Variants in WDR64 observed in about 807,000 individuals in gnomAD.
WDR64 encodes WD repeat domain 64.
In WDR64, 112 loss-of-function variants were observed where a neutral mutation model predicts 139.3. The ratio of observed to expected loss-of-function variants is 0.80; its 90% CI spans 0.69 to 0.94. WDR64 has a LOEUF of 0.94. WDR64 is among the 40% of genes least tolerant of loss of function. The probability of loss-of-function intolerance (pLI) is 0.00; values close to 1 mark genes in which losing one functional copy is unlikely to be tolerated. For missense variants in WDR64, 1,206 were observed against 1,293.1 expected, an observed-to-expected ratio of 0.93 and a Z score of 1.03; for synonymous variants, 444 against 437.7, an observed-to-expected ratio of 1.01 and a Z score of -0.18.
chr1:241,770,833 C>T lies in WDR64; in HGVS notation c.2253+143C>T, dbSNP rs548850605. ...GTGTGTGCATGCTTATATGTAAAAA[C>T]GCATTGTTTTGCAAAAAATGCAATG... is the stretch of plus-strand genomic sequence containing the variant. On this transcript the variant is annotated intron_variant, in intron 18 of 27. Coordinates refer to ENST00000437684, the MANE Select transcript of WDR64 (RefSeq NM_001367482.1). 8.7e-5 allele frequency: 51 copies of T among 585,382 alleles called. 2 individuals carry two copies. In the South Asian group the frequency reaches 2.6e-3, roughly 30 times the overall value. The allele number at this position is 585,382 out of a possible 1,614,324, so 36.3% of individuals were successfully genotyped here. A position where few individuals can be genotyped will look rare whatever the true frequency, so the allele number is the denominator to read the frequency against.
chr1:241,655,070 A>G (rs112170660), intron 1 of WDR64, among the ~76,000 whole-genome samples: 2 of 152,136 alleles, frequency 1.3e-5, no homozygotes, highest in Non-Finnish European at 2.9e-5. Flanking sequence ...CTCTTGGCTT[A>G]TTACAACAGC....
chr1:241,708,060 G>C (rs139039263), intron 8 of WDR64, among the ~76,000 whole-genome samples: 1 of 152,136 alleles, frequency 6.6e-6, no homozygotes, highest in Non-Finnish European at 1.5e-5. Flanking sequence ...CATAAGAAGA[G>C]CCAAAGAGTG....
intron 9 of WDR64, among the ~76,000 whole-genome samples, chr1:241,722,278 G>A (rs896047962): frequency 2.0e-5 from 3 of 152,142 alleles, no homozygotes; most frequent in Non-Finnish European, 2.9e-5. Flanking sequence ...ATATTCATGT[G>A]CTGGCCAGAA....
chr1:241,774,008 A>G (rs910415937), intron 20 of WDR64, among the ~76,000 whole-genome samples: 1 of 152,230 alleles, frequency 6.6e-6, no homozygotes, highest in African/African-American at 2.4e-5. Flanking sequence ...AATATTTCAC[A>G]AAGAAAAACA....
At chr1:241,725,582 G>T (rs1668791212) in intron 10 of WDR64, among the ~76,000 whole-genome samples, 1 of 152,066 alleles carries the variant, frequency 6.6e-6, no homozygotes, top group Non-Finnish European at 1.5e-5. Context: ...AACCACAAGG[G>T]AAAGACTCTA....
intron 8 of WDR64, among the ~76,000 whole-genome samples, chr1:241,696,113 CAAAAAAAAAA>C (rs541301982): frequency 4.9e-4 from 11 of 22,322 alleles, no homozygotes; most frequent in South Asian, 3.8e-3. Flanking sequence ...GACCCAGTAT[CAAAAAAAAAA>C]AAAAAAAAAA....
At chr1:241,777,113 G>A (rs192667800) in intron 21 of WDR64, among the ~76,000 whole-genome samples, 1 of 152,298 alleles carries the variant, frequency 6.6e-6, no homozygotes, top group Admixed American at 6.5e-5. Flanking sequence ...AGAAAGAAGA[G>A]AGACAAGGTC....
chr1:241,802,114 G>A lies in WDR64; in HGVS notation c.*899G>A, dbSNP rs529413581. 52 of 397,802 alleles carry A rather than the reference G, an allele frequency of 1.3e-4. No homozygotes were observed. The highest frequency in any genetic ancestry group is 7.5e-4 in the Admixed American group (17 of 22,688). The allele number at this position is 397,802 out of a possible 1,614,324, so 24.6% of individuals were successfully genotyped here. A position where few individuals can be genotyped will look rare whatever the true frequency, so the allele number is the denominator to read the frequency against. On this transcript the variant is annotated 3_prime_UTR_variant, in exon 28 of 28. Coordinates refer to ENST00000437684, the MANE Select transcript of WDR64 (RefSeq NM_001367482.1). ...AGAATCTTTATAAAAGTTTTATAAA[G>A]TTATTAATAATAACTCAAAAAAGGA...
chr1:241,799,511 G>A (rs948875574), intron 27 of WDR64, among the ~76,000 whole-genome samples: 6 of 152,006 alleles, frequency 3.9e-5, no homozygotes, highest in Non-Finnish European at 5.9e-5. Context: ...ATGTTGCCCA[G>A]TATGATATTG....
At chr1:241,778,344 C>G (rs977822743) in intron 21 of WDR64, among the ~76,000 whole-genome samples, 2 of 152,074 alleles carry the variant, frequency 1.3e-5, no homozygotes, top group Non-Finnish European at 2.9e-5. Flanking sequence ...TTAGTGTTAG[C>G]GTGGTATATC....
At chr1:241,791,367 T>C (rs1208040534) in intron 25 of WDR64, among the ~76,000 whole-genome samples, 2 of 152,112 alleles carry the variant, frequency 1.3e-5, no homozygotes, top group East Asian at 3.8e-4. Flanking sequence ...CATGAAAAAT[T>C]ATCTGCTTTT....
chr1:241,744,529 TCC>T lies in WDR64; in HGVS notation c.1594+14_1594+15del. On this transcript the variant is annotated intron_variant, in intron 13 of 27. Coordinates refer to ENST00000437684, the MANE Select transcript of WDR64 (RefSeq NM_001367482.1). ...GGAGCGTATAATGGTCAGACTAACA[TCC>T]AGAATGTGGCGTCCCTGCTTTAGTG... 4 of 1,612,618 alleles carry T rather than the reference TCC, an allele frequency of 2.5e-6. No homozygotes were observed. The highest frequency in any genetic ancestry group is 3.4e-6 in the Non-Finnish European group (4 of 1,179,624).
rs1334942627 is a variant in WDR64 at position 241,674,574 on chromosome 1, A to C, written c.380-70A>C. 2.9e-6 allele frequency: 3 copies of C among 1,045,952 alleles called. No homozygotes were observed. The African/African-American group carries it at 4.9e-5, about 17-fold the overall frequency. The allele number at this position is 1,045,952 out of a possible 1,614,324, so 64.8% of individuals were successfully genotyped here. On this transcript the variant is annotated intron_variant, in intron 3 of 27. Transcript: ENST00000437684. ...CCCTGGCCATATCATTTTTTAAAAA[A>C]ACAAATCTAACAAATGAGTTTCAGC...
intron 2 of WDR64, among the ~76,000 whole-genome samples, chr1:241,664,378 G>A (rs974133786): frequency 1.5e-4 from 23 of 152,130 alleles, no homozygotes; most frequent in African/African-American, 2.9e-4. Flanking sequence ...AATGTTTCAC[G>A]TCAATATAAA....
chr1:241,772,451 CTTTTTTTTTTTTTT>C (rs534177884), intron 19 of WDR64, among the ~76,000 whole-genome samples: 6 of 59,020 alleles, frequency 1.0e-4, no homozygotes, highest in Admixed American at 8.6e-4. Flanking sequence ...AAGATAGATC[CTTTTTTTTTTTTTT>C]TTTTTTTTTT....
chr1:241,685,086 T>A (rs1666955156), intron 7 of WDR64, among the ~76,000 whole-genome samples: 1 of 151,848 alleles, frequency 6.6e-6, no homozygotes, highest in South Asian at 2.1e-4. Flanking sequence ...GTAAATTATC[T>A]AGTGTCCAAT....
At chr1:241,722,058 C>T (rs1339057120) in intron 9 of WDR64, among the ~76,000 whole-genome samples, 1 of 151,844 alleles carries the variant, frequency 6.6e-6, no homozygotes, top group Non-Finnish European at 1.5e-5. Context: ...TATGATAATA[C>T]ATTCTTGGTT....
intron 8 of WDR64, among the ~76,000 whole-genome samples, chr1:241,695,112 TCAAA>T (rs779796133): frequency 3.6e-4 from 55 of 152,038 alleles, no homozygotes; most frequent in Middle Eastern, 3.4e-3. Context: ...CCAAAAACAA[TCAAA>T]CAAACAAACA....
At chr1:241,735,688 T>C (rs113011290) in intron 10 of WDR64, among the ~76,000 whole-genome samples, 24,445 of 151,530 alleles carry the variant, frequency 0.16, 2,343 homozygotes, top group East Asian at 0.28. Context: ...GCGTGCACCA[T>C]CATGCTCGAC....
Sources: allele counts gnomAD v4.1 joint callset (sites outside exome capture counted in the v4.1 genomes callset), GRCh38; gene constraint gnomAD v4.1.1; transcripts MANE v1.5; gene names NCBI Gene and HGNC (gene_info 2026-07-23, HGNC 2026-07-21).